RRBP1: variants seen among roughly 807,000 people sequenced by gnomAD.
RRBP1 encodes ribosome binding protein 1, also known as ribosome-binding protein 1.
Under a neutral mutation model 165.2 loss-of-function variants are expected in RRBP1, and 94 were observed. That is an observed-to-expected ratio of 0.57 (90% confidence interval 0.48 to 0.68). The LOEUF (loss-of-function observed/expected upper bound fraction) is 0.68. Among genes scored for constraint, RRBP1 ranks in the 30% least tolerant of loss-of-function variants. The pLI is 0.00. For missense variants in RRBP1, 1,676 were observed against 1,763.0 expected, an observed-to-expected ratio of 0.95 and a Z score of 0.88; for synonymous variants, 680 against 714.5, an observed-to-expected ratio of 0.95 and a Z score of 0.77.
At chr20:17,681,102 G>T (rs557536727) in intron 1 of RRBP1, among the ~76,000 whole-genome samples, 40 of 151,660 alleles carry the variant, frequency 2.6e-4, no homozygotes, top group Middle Eastern at 6.8e-3. Flanking sequence ...CGGCCGGGCC[G>T]GGGCGGGCAC....
At chr20:17,656,135 G>C (rs1026257686) in intron 3 of RRBP1, among the ~76,000 whole-genome samples, 3 of 152,208 alleles carry the variant, frequency 2.0e-5, no homozygotes, top group African/African-American at 7.2e-5. Context: ...GGGAAAACAG[G>C]CCTGAGATTC....
intron 24 of RRBP1, among the ~76,000 whole-genome samples, 177 bp from the exon 25 acceptor site, chr20:17,614,397 G>C (rs1455404355): frequency 1.3e-5 from 2 of 152,114 alleles, no homozygotes; most frequent in South Asian, 2.1e-4. Context: ...GACTTGGTGG[G>C]AGCTGAGGGG....
chr20:17,673,762 A>G (rs1019179910), intron 2 of RRBP1, among the ~76,000 whole-genome samples: 1 of 152,172 alleles, frequency 6.6e-6, no homozygotes, highest in African/African-American at 2.4e-5. Context: ...AGATCTTCCA[A>G]CTTAAGAGGG....
chr20:17,676,409 T>C (rs1202641586), intron 2 of RRBP1, among the ~76,000 whole-genome samples: 2 of 151,992 alleles, frequency 1.3e-5, no homozygotes, highest in Non-Finnish European at 2.9e-5. Context: ...TTTCATTTTA[T>C]AGGAGGGAGA....
Position 17,621,960 on chromosome 20 carries a change from T to C in RRBP1, c.3148-13A>G. Reference sequence around the variant, plus strand: ...TCTCCGATTCCTCCTGGGGGGTGGGTGGGGAAGAGCGGAAGGTGTTCAGCT... The same window carrying C: ...TCTCCGATTCCTCCTGGGGGGTGGGCGGGGAAGAGCGGAAGGTGTTCAGCT... On this transcript the variant is annotated splice_polypyrimidine_tract_variant and intron_variant, in intron 13 of 24. Transcript: ENST00000377813. 6.7e-6 allele frequency: 10 copies of C among 1,488,896 alleles called. No individual in the cohort carries two copies. Among genetic ancestry groups the C allele is most frequent in the Non-Finnish European group, 9.3e-6 (10 of 1,070,850 alleles). The allele number at this position is 1,488,896 out of a possible 1,614,324, so 92.2% of individuals were successfully genotyped here.
chr20:17,680,081 A>G lies in RRBP1; in HGVS notation c.-98-6T>C, dbSNP rs965717581. Reference sequence around the variant, plus strand: ...TCAGAACCGGAAGCTTCTTTCTGGAAGGGAAAGAGGTTGGCATATGATAGT... The same window carrying G: ...TCAGAACCGGAAGCTTCTTTCTGGAGGGGAAAGAGGTTGGCATATGATAGT... On this transcript the variant is annotated splice_polypyrimidine_tract_variant and splice_region_variant and intron_variant, in intron 1 of 24. Transcript: ENST00000377813. The G allele has an allele frequency of 1.3e-5, 2 of 152,294 alleles. No homozygotes were observed. Among genetic ancestry groups the G allele is most frequent in the Non-Finnish European group, 2.9e-5 (2 of 68,082 alleles). 9.4% of individuals were successfully genotyped at this position (152,294 alleles called of 1,614,324 possible).
intron 23 of RRBP1, among the ~76,000 whole-genome samples, chr20:17,615,211 T>C (rs1435581453): frequency 1.3e-5 from 2 of 152,204 alleles, no homozygotes; most frequent in Non-Finnish European, 2.9e-5. Context: ...ATGCTTCACA[T>C]TTCGACAGCC....
chr20:17,636,056 C>T (rs142229498), intron 6 of RRBP1, among the ~76,000 whole-genome samples: 6 of 152,388 alleles, frequency 3.9e-5, no homozygotes, highest in East Asian at 3.9e-4. Context: ...ACCTCCAGCA[C>T]GTCCTGAGAC....
intron 5 of RRBP1, among the ~76,000 whole-genome samples, chr20:17,640,366 CAG>C (rs1354793850): frequency 6.6e-6 from 1 of 152,202 alleles, no homozygotes; most frequent in East Asian, 1.9e-4. Context: ...AGGAGAGCCC[CAG>C]AGGAGTCACG....
intron 23 of RRBP1, 43 bp from the exon 24 acceptor site, chr20:17,614,923 A>G (rs2035766957): frequency 1.2e-6 from 2 of 1,605,016 alleles, no homozygotes; most frequent in African/African-American, 2.7e-5. Flanking sequence ...TTGCACCGGC[A>G]GGAGGGCCAC....
rs538143806 is a variant in RRBP1 at position 17,643,854 on chromosome 20, G to A, written c.1913-727C>T. Among the ~76,000 whole-genome samples the A allele has an allele frequency of 7.2e-5, 11 of 152,150 alleles. No homozygotes were observed. The highest frequency in any genetic ancestry group is 2.1e-4 in the South Asian group (1 of 4,806). ...TCACTTCTGAAAAACTAAAACTGCC[G>A]ACACCCCCCACGCCCCTCCCCACAC... is the stretch of plus-strand genomic sequence containing the variant. On this transcript the variant is annotated intron_variant, in intron 3 of 24. Transcript: ENST00000377813. The surrounding 1 kb of genome is among the most constrained non-coding windows in gnomAD (Gnocchi z 4.3).
chr20:17,615,823 G>A, intron 22 of RRBP1, 103 bp downstream of exon 22: 1 of 1,027,464 alleles, frequency 9.7e-7, no homozygotes, highest in South Asian at 1.5e-5. Context: ...CAGCCCAGGT[G>A]CTGCTGGGCA....
chr20:17,644,165 A>G (rs1317676190), intron 3 of RRBP1, among the ~76,000 whole-genome samples: 1 of 152,190 alleles, frequency 6.6e-6, no homozygotes, highest in Non-Finnish European at 1.5e-5. Flanking sequence ...ATTTGGCACG[A>G]TACCTTAATG....
chr20:17,642,007 C>A (rs2036371911), intron 4 of RRBP1, 88 bp from the exon 5 acceptor site: 2 of 1,416,020 alleles, frequency 1.4e-6, no homozygotes, highest in South Asian at 2.6e-5. Context: ...GGCCTGAGGG[C>A]TTGATGAAGT....
intron 2 of RRBP1, among the ~76,000 whole-genome samples, chr20:17,674,177 G>A (rs1251321167): frequency 6.6e-6 from 1 of 152,120 alleles, no homozygotes; most frequent in Non-Finnish European, 1.5e-5. Context: ...AAATGAGTAG[G>A]TCAGACATTC....
At chr20:17,646,794 G>A (rs756812457) in intron 3 of RRBP1, among the ~76,000 whole-genome samples, 18 of 152,142 alleles carry the variant, frequency 1.2e-4, no homozygotes, top group Non-Finnish European at 2.2e-4. Flanking sequence ...GTCAACTGTG[G>A]CGTCCTTGGA....
Position 17,666,870 on chromosome 20 carries a change from G to GCTTTAC in RRBP1, c.-21-6343_-21-6342insGTAAAG, listed in dbSNP as rs11087221. ...AATTGAGTATTAGATTTTACCAATT[G>GCTTTAC]CAGTTGACATTTTCTCCTTTAATCT... On this transcript the variant is annotated intron_variant, in intron 2 of 24. Transcript: ENST00000377813. Among the ~76,000 whole-genome samples, 20 of 152,188 alleles carry GCTTTAC rather than the reference G, an allele frequency of 1.3e-4. No individual in the cohort carries two copies. In the South Asian group the frequency reaches 3.9e-3, roughly 30 times the overall value.
chr20:17,670,374 G>C (rs569639420), intron 2 of RRBP1, among the ~76,000 whole-genome samples: 1 of 149,060 alleles, frequency 6.7e-6, no homozygotes, highest in Non-Finnish European at 1.5e-5. Context: ...AGGTTGGCTG[G>C]CATCAAAATG....
rs2036749620 is a variant in RRBP1, at chr20:17,660,714, G to A, written c.-21-186C>T. Among the ~76,000 whole-genome samples the A allele has an allele frequency of 3.3e-5, 5 of 152,158 alleles. No homozygotes were observed. The East Asian group carries it at 5.8e-4, about 18-fold the overall frequency. ...CACCTGCTCCTCTTTAGGAGTGAGCGATTCGTACCCAAGGCATGAGCAGTC... is the reference window on the plus strand; with the variant it reads ...CACCTGCTCCTCTTTAGGAGTGAGCAATTCGTACCCAAGGCATGAGCAGTC... On this transcript the variant is annotated intron_variant, in intron 2 of 24. Transcript: ENST00000377813.
Sources: allele counts gnomAD v4.1 joint callset (sites outside exome capture counted in the v4.1 genomes callset), GRCh38; gene constraint gnomAD v4.1.1; non-coding constraint Gnocchi (gnomAD v3.1); transcripts MANE v1.5; gene names NCBI Gene and HGNC (gene_info 2026-07-23, HGNC 2026-07-21).